Variants in FMNL2 observed in about 807,000 individuals in gnomAD.
FMNL2 encodes formin-like protein 2.
A neutral mutation model predicts 130.2 loss-of-function variants in FMNL2; 51 were observed. The ratio of observed to expected loss-of-function variants is 0.39; its 90% CI spans 0.31 to 0.49. The LOEUF is 0.49. Ranked by LOEUF, FMNL2 falls within the 20% of genes least tolerant of loss-of-function variation. The pLI is 0.85. For synonymous variants in FMNL2, 465 were observed against 467.1 expected (o/e 1.00, Z 0.06); for missense variants, 977 against 1,316.2 (o/e 0.74, Z 3.99).
At chr2:152,644,193 C>T (rs1295509487) in intron 25 of FMNL2, among the ~76,000 whole-genome samples, 5 of 152,130 alleles carry the variant, frequency 3.3e-5, no homozygotes, top group Admixed American at 3.3e-4. Flanking sequence ...TGCACTCCAG[C>T]CTCGGCAACA....
At chr2:152,626,859 CCA>C in intron 17 of FMNL2, 132 bp downstream of exon 17, 1 of 940,168 alleles carries the variant, frequency 1.1e-6, no homozygotes, top group Non-Finnish European at 1.6e-6. Flanking sequence ...TTTTTGATAT[CCA>C]CACTTGAGAG....
intron 1 of FMNL2, among the ~76,000 whole-genome samples, chr2:152,505,750 T>G (rs1277418877): frequency 6.6e-6 from 1 of 152,248 alleles, no homozygotes; most frequent in Non-Finnish European, 1.5e-5. Context: ...TGTCTGATAA[T>G]GAGTTATTTA....
At chr2:152,569,693 A>AAAG in intron 6 of FMNL2, among the ~76,000 whole-genome samples, 1 of 150,202 alleles carries the variant, frequency 6.7e-6, no homozygotes, top group Non-Finnish European at 1.5e-5. Flanking sequence ...AAAAAAAAAA[A>AAAG]AAAAGGAAGT....
intron 1 of FMNL2, among the ~76,000 whole-genome samples, chr2:152,346,126 G>A (rs1249204596): frequency 6.6e-6 from 1 of 152,190 alleles, no homozygotes; most frequent in African/African-American, 2.4e-5. Flanking sequence ...CTGGGTTCAA[G>A]CGATTCTCCT....
At chr2:152,415,603 G>T (rs1686565894) in intron 1 of FMNL2, among the ~76,000 whole-genome samples, 1 of 151,878 alleles carries the variant, frequency 6.6e-6, no homozygotes, top group Non-Finnish European at 1.5e-5. Flanking sequence ...TATTTTTGAG[G>T]TGGGTAATAC....
chr2:152,442,235 T>C (rs1688088257), intron 1 of FMNL2, among the ~76,000 whole-genome samples: 1 of 151,818 alleles, frequency 6.6e-6, no homozygotes, highest in South Asian at 2.1e-4. Flanking sequence ...GTCCTTTTTC[T>C]TTTTTTCTTT....
intron 1 of FMNL2, among the ~76,000 whole-genome samples, chr2:152,384,921 G>A (rs1684698201): frequency 6.6e-6 from 1 of 152,190 alleles, no homozygotes; most frequent in Non-Finnish European, 1.5e-5. Context: ...TCCTAACACA[G>A]TAATCAACTA....
At chr2:152,398,134 T>A (rs1685500162) in intron 1 of FMNL2, among the ~76,000 whole-genome samples, 1 of 151,908 alleles carries the variant, frequency 6.6e-6, no homozygotes, top group Non-Finnish European at 1.5e-5. Context: ...CGAAAAAAAA[T>A]AAATAAAATA....
intron 1 of FMNL2, among the ~76,000 whole-genome samples, chr2:152,467,708 C>T (rs1377801909): frequency 6.6e-6 from 1 of 152,182 alleles, no homozygotes; most frequent in Non-Finnish European, 1.5e-5. Context: ...TGGACTTTAT[C>T]AGTATGTACA....
At chr2:152,584,281 C>T (rs1350173570) in intron 9 of FMNL2, among the ~76,000 whole-genome samples, 1 of 152,058 alleles carries the variant, frequency 6.6e-6, no homozygotes, top group Non-Finnish European at 1.5e-5. Flanking sequence ...CCTTTTGAGC[C>T]ACATATGGCA....
intron 1 of FMNL2, among the ~76,000 whole-genome samples, chr2:152,472,819 G>A (rs1223405872): frequency 6.6e-6 from 1 of 152,322 alleles, no homozygotes; most frequent in South Asian, 2.1e-4. Flanking sequence ...TAAGTTTCCT[G>A]TCTGTAAAGT....
intron 1 of FMNL2, among the ~76,000 whole-genome samples, chr2:152,457,802 A>G (rs1314550842): frequency 6.6e-6 from 1 of 152,202 alleles, no homozygotes; most frequent in Non-Finnish European, 1.5e-5. Context: ...GGAGGGCTCT[A>G]GGGGACAATC....
At chr2:152,390,678 C>G in intron 1 of FMNL2, 7 of 780,764 alleles carry the variant, frequency 9.0e-6, no homozygotes, top group Non-Finnish European at 1.2e-5. Context: ...TGAGCTACAA[C>G]CATCCAACCT....
chr2:152,471,020 C>A (rs1046923952), intron 1 of FMNL2, among the ~76,000 whole-genome samples: 5 of 152,090 alleles, frequency 3.3e-5, no homozygotes, highest in African/African-American at 4.8e-5. Flanking sequence ...TTAGTATGAC[C>A]AAGCCCTGTT....
At chr2:152,394,684 C>A in intron 1 of FMNL2, among the ~76,000 whole-genome samples, 2 of 143,548 alleles carry the variant, frequency 1.4e-5, no homozygotes, top group African/African-American at 2.6e-5. Flanking sequence ...AAGAAAAGTG[C>A]AATTAATAGT....
intron 1 of FMNL2, among the ~76,000 whole-genome samples, chr2:152,404,058 C>G (rs948504448): frequency 6.6e-6 from 1 of 152,214 alleles, no homozygotes; most frequent in Non-Finnish European, 1.5e-5. Context: ...CAGAGCGAGA[C>G]TCCGTCTCAA....
chr2:152,335,804 C>G, intron 1 of FMNL2, 84 bp downstream of exon 1: 1 of 1,033,052 alleles, frequency 9.7e-7, no homozygotes, highest in South Asian at 1.9e-5. Context: ...CCCCTTCACC[C>G]CGTGCCGGGA....
chr2:152,342,063 T>C (rs1681841810), intron 1 of FMNL2, among the ~76,000 whole-genome samples: 1 of 152,168 alleles, frequency 6.6e-6, no homozygotes, highest in Non-Finnish European at 1.5e-5. Flanking sequence ...GGTAGGTGCT[T>C]CCTGGGCTTA....
Position 152,640,865 on chromosome 2 carries a change from C to T in FMNL2, c.3120C>T (p.Asn1040=). Residue 1040 remains asparagine (N), a synonymous_variant, in exon 25 of 26, where the codon AAC becomes AAT. Coordinates refer to ENST00000288670, the MANE Select transcript of FMNL2 (RefSeq NM_052905.4). ...AELRRRQVKD[N]RHVYEGKDGA... ...TAAGAAGACGACAAGTTAAAGATAACAGACATGTATATGAGGGAAAAGATG... is the reference window on the plus strand; with the variant it reads ...TAAGAAGACGACAAGTTAAAGATAATAGACATGTATATGAGGGAAAAGATG... 3.7e-6 allele frequency: 6 copies of T among 1,613,788 alleles called. No individual in the cohort carries two copies. The South Asian group carries it at 4.4e-5, about 12-fold the overall frequency.
Sources: gnomAD v4.1 joint callset for allele counts (sites outside exome capture counted in the v4.1 genomes callset) on GRCh38, gnomAD v4.1.1 for gene constraint, MANE v1.5 for transcripts, NCBI Gene and HGNC (gene_info 2026-07-23, HGNC 2026-07-21) for gene names.